Variants in COL4A2 observed in about 807,000 individuals in gnomAD.
The protein encoded by COL4A2 is collagen type IV alpha 2 chain.
COL4A2 carries 99 observed loss-of-function variants against 200.2 expected under a neutral mutation model. That is an observed-to-expected ratio of 0.49 (90% confidence interval 0.42 to 0.58). The LOEUF (loss-of-function observed/expected upper bound fraction) is 0.58, where lower values mean the gene tolerates loss of function less well. Ranked by LOEUF, COL4A2 falls within the 20% of genes least tolerant of loss-of-function variation. COL4A2 has a pLI of 0.00. For synonymous variants in COL4A2, 897 were observed against 900.6 expected (o/e 1.00, Z 0.07); for missense variants, 1,950 against 2,314.1 (o/e 0.84, Z 3.23).
chr13:110,337,655 C>G (rs1384043602), intron 3 of COL4A2, among the ~76,000 whole-genome samples: 2 of 152,204 alleles, frequency 1.3e-5, no homozygotes, highest in African/African-American at 4.8e-5. Context: ...CCCTTGCTAT[C>G]CAAAAGGTCC....
chr13:110,416,942 G>C (rs1468059927), intron 4 of COL4A2, among the ~76,000 whole-genome samples: 1 of 152,088 alleles, frequency 6.6e-6, no homozygotes, highest in African/African-American at 2.4e-5. Flanking sequence ...TACAAGGAAA[G>C]CTAGGTCTTG....
In COL4A2 at chr13:110,430,860, C is replaced by A. The variant is rs1166578885; in HGVS notation, c.648+253C>A. On this transcript the variant is annotated intron_variant, in intron 10 of 47. Coordinates refer to ENST00000360467, the MANE Select transcript of COL4A2 (RefSeq NM_001846.4). ...ATGTCAAATTTTGACTTGGTTCCGG[C>A]AGGGTGCCCTTCCATCCCCACCCCA... The A allele has an allele frequency of 1.3e-5, 9 of 701,980 alleles. 1 individual carries two copies. The highest frequency in any genetic ancestry group is 2.4e-5 in the Non-Finnish European group (9 of 382,190). 43.5% of individuals were successfully genotyped at this position (701,980 alleles called of 1,614,324 possible).
intron 6 of COL4A2, among the ~76,000 whole-genome samples, chr13:110,427,042 A>C (rs1461977031): frequency 6.6e-6 from 1 of 152,234 alleles, no homozygotes; most frequent in Non-Finnish European, 1.5e-5. Context: ...CATCTGAAGC[A>C]AAGAAATGTG....
chr13:110,512,884 C>G lies in COL4A2; in HGVS notation c.*693C>G, dbSNP rs1884140630. ...AGCCTTGCTACTTGAAGGTACACCCCATAGGGTCGGAGGTGCTGTCCCCAC... is the reference window on the plus strand; with the variant it reads ...AGCCTTGCTACTTGAAGGTACACCCGATAGGGTCGGAGGTGCTGTCCCCAC... On this transcript the variant is annotated 3_prime_UTR_variant, in exon 48 of 48. Transcript: ENST00000360467. 1 of 152,328 alleles carries G rather than the reference C, an allele frequency of 6.6e-6. No individual in the cohort carries two copies. Among genetic ancestry groups the G allele is most frequent in the South Asian group, 2.1e-4 (1 of 4,824 alleles). The allele number at this position is 152,328 out of a possible 1,614,324, so 9.4% of individuals were successfully genotyped here.
chr13:110,419,905 C>A (rs181097197), intron 4 of COL4A2, among the ~76,000 whole-genome samples: 2 of 152,344 alleles, frequency 1.3e-5, no homozygotes, highest in East Asian at 3.8e-4. Context: ...GTAAGCCAGA[C>A]CTTTCTACTG....
At chr13:110,494,991 T>C (rs1352539364) in intron 39 of COL4A2, among the ~76,000 whole-genome samples, 1 of 152,220 alleles carries the variant, frequency 6.6e-6, no homozygotes, top group Non-Finnish European at 1.5e-5. Context: ...CTTTAGATAG[T>C]GTTTACTTTG....
At chr13:110,470,000 C>T (rs991518735) in intron 28 of COL4A2, among the ~76,000 whole-genome samples, 14 of 148,888 alleles carry the variant, frequency 9.4e-5, no homozygotes, top group East Asian at 6.0e-4. Context: ...CTGCAACCTC[C>T]GCCTTCTGGG....
At chr13:110,404,486 G>T (rs1199614339) in intron 4 of COL4A2, among the ~76,000 whole-genome samples, 1 of 152,180 alleles carries the variant, frequency 6.6e-6, no homozygotes, top group African/African-American at 2.4e-5. Context: ...CCAGGAGGCT[G>T]TCCCCAGCTA....
intron 4 of COL4A2, among the ~76,000 whole-genome samples, chr13:110,358,444 A>T (rs1877379866): frequency 6.6e-6 from 1 of 152,194 alleles, no homozygotes; most frequent in African/African-American, 2.4e-5. Flanking sequence ...ACATATGTAC[A>T]CATATAAATA....
chr13:110,435,233 GA>G (rs1048985902), intron 12 of COL4A2, among the ~76,000 whole-genome samples: 3 of 151,568 alleles, frequency 2.0e-5, no homozygotes, highest in South Asian at 2.1e-4. Context: ...GGGCTTCTGG[GA>G]AAAAAAAGAA....
chr13:110,396,621 C>A (rs1879191104), intron 4 of COL4A2, among the ~76,000 whole-genome samples: 1 of 152,158 alleles, frequency 6.6e-6, no homozygotes. Context: ...GACATCTCAC[C>A]ACGCCCTCCT....
At position 110,512,197 on chromosome 13, in the gene COL4A2, C is replaced by T. The variant is rs374636157; in HGVS notation, c.*6C>T. On this transcript the variant is annotated 3_prime_UTR_variant, in exon 48 of 48. Transcript: ENST00000360467. ...TGTGCATGAAGAACCTGTGAGCCGG[C>T]GCGTGCCAGGAAGGGCCATTTTGGT... The T allele has an allele frequency of 4.8e-5, 77 of 1,608,306 alleles. No homozygotes were observed. In the African/African-American group the frequency reaches 4.8e-4, roughly 10 times the overall value.
rs751016350 is a variant in COL4A2 at position 110,503,242 on chromosome 13, C to T, written c.3999C>T (p.Pro1333=). ...GTKGWAGDSG[P]QGRPGVFGLP... ...AAGGATGGGCCGGGGACTCCGGGCC[C>T]CAGGGCAGGCCTGGTGTGTTTGGTC... Residue 1333 remains proline, a synonymous_variant, in exon 42 of 48, where the codon CCC becomes CCT. Transcript: ENST00000360467. 1 of 1,612,772 alleles carries T rather than the reference C, an allele frequency of 6.2e-7. No individual in the cohort carries two copies. The highest frequency in any genetic ancestry group is 1.1e-5 in the South Asian group (1 of 91,032).
chr13:110,469,787 G>T (rs1273135544), intron 28 of COL4A2, among the ~76,000 whole-genome samples: 1 of 152,168 alleles, frequency 6.6e-6, no homozygotes, highest in Non-Finnish European at 1.5e-5. Context: ...GTACCCACTT[G>T]CGTGTCAGCA....
At chr13:110,480,866 T>C (rs984227747) in intron 31 of COL4A2, among the ~76,000 whole-genome samples, 4 of 151,982 alleles carry the variant, frequency 2.6e-5, no homozygotes, top group Non-Finnish European at 4.4e-5. Context: ...GACACACTGT[T>C]CTTCCATTGC....
chr13:110,434,329 C>T, intron 11 of COL4A2, 72 bp from the exon 12 acceptor site: 1 of 1,482,296 alleles, frequency 6.7e-7, no homozygotes, highest in Admixed American at 2.0e-5. Flanking sequence ...GTTTCTTTTT[C>T]TAAGAAAAAT....
At chr13:110,472,613 C>T (rs1942881944) in intron 28 of COL4A2, among the ~76,000 whole-genome samples, 1 of 152,072 alleles carries the variant, frequency 6.6e-6, no homozygotes, top group Admixed American at 6.5e-5. Context: ...TTCTTTGGGG[C>T]TTATTTGCAA....
At position 110,503,177 on chromosome 13, in the gene COL4A2, G is replaced by A; in HGVS notation, c.3934G>A (p.Asp1312Asn). ...TGCTGCTCTTCCTGGAAGCAAAGGT[G>A]ACACAGGGAACCCAGGAGCTCCAGG... ...GSAALPGSKGDTGNPGAPGTP... is the reference protein window; with the variant it reads ...GSAALPGSKGNTGNPGAPGTP... The change falls in exon 42 of 48, where the codon GAC becomes AAC. Residue 1312 changes from aspartate (D) to asparagine (N), a missense_variant. Around this residue, in one of 2 missense-constraint regions of COL4A2, gnomAD observed 1,385 missense variants for 1,720.5 expected, o/e 0.80. Coordinates refer to ENST00000360467, the MANE Select transcript of COL4A2 (RefSeq NM_001846.4). 6.2e-7 allele frequency: 1 copy of A among 1,614,018 alleles called. No individual in the cohort carries two copies. The highest frequency in any genetic ancestry group is 8.5e-7 in the Non-Finnish European group (1 of 1,180,000).
At chr13:110,374,881 T>A (rs1878170869) in intron 4 of COL4A2, among the ~76,000 whole-genome samples, 2 of 152,230 alleles carry the variant, frequency 1.3e-5, no homozygotes, top group African/African-American at 4.8e-5. Context: ...CTGAATGCAC[T>A]GGAAGTTGTT....
Sources: allele counts gnomAD v4.1 joint callset (sites outside exome capture counted in the v4.1 genomes callset), GRCh38; gene constraint gnomAD v4.1.1; regional missense constraint gnomAD v4.1.1; transcripts MANE v1.5; gene names NCBI Gene and HGNC (gene_info 2026-07-23, HGNC 2026-07-21).